Variants in MMRN1 observed in about 807,000 individuals in gnomAD.
MMRN1 encodes multimerin 1.
In MMRN1, 94 loss-of-function variants were observed where a neutral mutation model predicts 100.7. The observed-to-expected ratio is 0.93, with a 90% CI of 0.79 to 1.11. The LOEUF (loss-of-function observed/expected upper bound fraction) is 1.11, where lower values mean the gene tolerates loss of function less well. Ranked by LOEUF, MMRN1 falls within the 50% of genes least tolerant of loss-of-function variation. The pLI, the probability that MMRN1 is intolerant of heterozygous loss-of-function variation, is 0.00. For missense variants in MMRN1, 1,606 were observed against 1,439.1 expected, an observed-to-expected ratio of 1.12 and a Z score of -1.88; for synonymous variants, 575 against 505.0, an observed-to-expected ratio of 1.14 and a Z score of -1.86.
At chr4:89,909,242 C>T (rs1721663847) in intron 1 of MMRN1, 34 bp from the exon 2 acceptor site, 1 of 1,543,816 alleles carries the variant, frequency 6.5e-7, no homozygotes, top group African/African-American at 1.4e-5. Context: ...TTTTTGACAA[C>T]AGTTTTTTCC....
At chr4:89,915,346 T>C (rs1721878337) in intron 3 of MMRN1, among the ~76,000 whole-genome samples, 2 of 151,578 alleles carry the variant, frequency 1.3e-5, no homozygotes, top group African/African-American at 2.4e-5. Context: ...TGCACCAAAC[T>C]GCCTACTTCA....
chr4:89,949,189 T>G (rs3775482), intron 6 of MMRN1, among the ~76,000 whole-genome samples: 96,649 of 151,996 alleles, frequency 0.64, 30,970 homozygotes, highest in East Asian at 0.88. Flanking sequence ...TAAATCTAAT[T>G]TTTTCCACAG....
At chr4:89,880,452 A>G (rs1040984068) in intron 1 of MMRN1, among the ~76,000 whole-genome samples, 1 of 152,160 alleles carries the variant, frequency 6.6e-6, no homozygotes, top group Non-Finnish European at 1.5e-5. Flanking sequence ...GGAAATCAGT[A>G]TTAATCTGCC....
chr4:89,900,429 C>T (rs1250489938), intron 1 of MMRN1, among the ~76,000 whole-genome samples: 1 of 152,030 alleles, frequency 6.6e-6, no homozygotes, highest in East Asian at 1.9e-4. Context: ...TCCACTTGCA[C>T]CTCCAGCTTT....
intron 1 of MMRN1, among the ~76,000 whole-genome samples, chr4:89,888,634 T>G (rs1171953152): frequency 6.6e-6 from 1 of 152,090 alleles, no homozygotes; most frequent in African/African-American, 2.4e-5. Context: ...CGTTCACATA[T>G]TCATCTTTTT....
At chr4:89,901,887 A>C (rs1560581555) in intron 1 of MMRN1, 1 of 151,982 alleles carries the variant, frequency 6.6e-6, no homozygotes, top group East Asian at 1.9e-4. Flanking sequence ...GCTTTTCTGA[A>C]TATAAAACTA....
chr4:89,912,087 T>TA lies in MMRN1; in HGVS notation c.850+39dup, dbSNP rs1721772526. ...TATTAATAATCACAATTCTGAACAA[T>TA]AAGAAACTGATTCTATTGAAGAAAA... is the stretch of plus-strand genomic sequence containing the variant. On this transcript the variant is annotated intron_variant, in intron 3 of 7. Coordinates refer to ENST00000264790, the MANE Select transcript of MMRN1 (RefSeq NM_007351.3). 6 of 1,373,840 alleles carry TA rather than the reference T, an allele frequency of 4.4e-6. No individual in the cohort carries two copies. In the East Asian group the frequency reaches 1.4e-4, roughly 33 times the overall value. The allele number at this position is 1,373,840 out of a possible 1,614,324, so 85.1% of individuals were successfully genotyped here.
chr4:89,906,515 A>G (rs1389661648), intron 1 of MMRN1, among the ~76,000 whole-genome samples: 1 of 151,562 alleles, frequency 6.6e-6, no homozygotes, highest in South Asian at 2.1e-4. Context: ...TAAACACTTC[A>G]AAGTAACTGC....
chr4:89,935,980 C>G lies in MMRN1; in HGVS notation c.2300C>G (p.Ser767Cys). 2 of 1,612,820 alleles carry G rather than the reference C, an allele frequency of 1.2e-6. No individual in the cohort carries two copies. Among genetic ancestry groups the G allele is most frequent in the Non-Finnish European group, 1.7e-6 (2 of 1,179,262 alleles). ...DNSEIHHKCT[S>C]DMETILTFIP... ...AGTGAGATCCATCATAAATGTACCT[C>G]CGATATGGAAACTATTTTGACATTT... The change falls in exon 6 of 8, where the codon TCC becomes TGC. Residue 767 changes from serine (S) to cysteine (C), a missense_variant. By Grantham distance (112) the Ser-to-Cys change is moderately radical. Transcript: ENST00000264790.
chr4:89,938,511 A>G (rs1422450666), intron 6 of MMRN1, among the ~76,000 whole-genome samples: 1 of 78,454 alleles, frequency 1.3e-5, no homozygotes, highest in African/African-American at 5.9e-5. Context: ...ATATATATAT[A>G]TTTAAAATAT....
chr4:89,881,070 C>G (rs1720804640), intron 1 of MMRN1, among the ~76,000 whole-genome samples: 2 of 152,114 alleles, frequency 1.3e-5, no homozygotes, highest in Non-Finnish European at 2.9e-5. Context: ...TCCTTTAATG[C>G]AAATCTGCAG....
intron 1 of MMRN1, 99 bp from the exon 2 acceptor site, chr4:89,909,177 A>C (rs1469509938): frequency 2.2e-5 from 29 of 1,290,690 alleles, no homozygotes; most frequent in African/African-American, 3.0e-5. Flanking sequence ...TCTGATCTAT[A>C]GTATGGCAAA....
intron 6 of MMRN1, among the ~76,000 whole-genome samples, chr4:89,942,052 A>G (rs548368708): frequency 1.3e-5 from 2 of 152,254 alleles, no homozygotes; most frequent in South Asian, 2.1e-4. Flanking sequence ...TCTAAGGTGC[A>G]TAGTCAGAAA....
upstream of MMRN1, among the ~76,000 whole-genome samples, chr4:89,893,311 A>G (rs1045376400): frequency 1.3e-4 from 20 of 151,958 alleles, no homozygotes; most frequent in African/African-American, 4.6e-4. Context: ...TTAAATAAAT[A>G]CTCTCTAGTA....
intron 1 of MMRN1, among the ~76,000 whole-genome samples, chr4:89,902,684 T>G (rs1244878763): frequency 6.6e-6 from 1 of 151,972 alleles, no homozygotes; most frequent in Non-Finnish European, 1.5e-5. Context: ...AGAAAGCAAA[T>G]AAAATTATGC....
rs77520048 is a variant in MMRN1 at position 89,922,592 on chromosome 4, A to C, written c.851-576A>C. Among the ~76,000 whole-genome samples the C allele has an allele frequency of 9.8e-3, 1,487 of 152,240 alleles. 27 individuals are homozygous for C. The highest frequency in any genetic ancestry group is 0.033 in the African/African-American group (1,367 of 41,540). ...AAGAATTTCTATTGAAATTTCACTG[A>C]CTTTACCAGTTGATTTGCTTGAAAT... On this transcript the variant is annotated intron_variant, in intron 3 of 7. Coordinates refer to ENST00000264790, the MANE Select transcript of MMRN1 (RefSeq NM_007351.3).
Position 89,954,203 on chromosome 4 carries a change from C to T in MMRN1, c.*785C>T, listed in dbSNP as rs779741612. On this transcript the variant is annotated 3_prime_UTR_variant, in exon 8 of 8. Coordinates refer to ENST00000264790, the MANE Select transcript of MMRN1 (RefSeq NM_007351.3). The stretch of plus-strand genomic sequence containing the variant: ...AGGGTAAGTCATAATCTGTGTAATA[C>T]TACAATTTATGGGATGCTCACTATG... The T allele has an allele frequency of 5.3e-5, 8 of 152,144 alleles. No homozygotes were observed. Among genetic ancestry groups the T allele is most frequent in the Non-Finnish European group, 1.2e-4 (8 of 68,038 alleles). The allele number at this position is 152,144 out of a possible 1,614,324, so 9.4% of individuals were successfully genotyped here.
intron 1 of MMRN1, among the ~76,000 whole-genome samples, chr4:89,904,530 T>C (rs1721498074): frequency 6.6e-6 from 1 of 151,848 alleles, no homozygotes; most frequent in African/African-American, 2.4e-5. Context: ...TAAGTGAAAC[T>C]GTACAATATT....
intron 6 of MMRN1, 101 bp from the exon 7 acceptor site, chr4:89,951,502 TAA>T: frequency 7.9e-7 from 1 of 1,259,828 alleles, no homozygotes; most frequent in Non-Finnish European, 1.0e-6. Flanking sequence ...TTTTCTTACT[TAA>T]AATTCAGTCT....
Sources: gnomAD v4.1 joint callset for allele counts (sites outside exome capture counted in the v4.1 genomes callset) on GRCh38, gnomAD v4.1.1 for gene constraint, MANE v1.5 for transcripts, NCBI Gene and HGNC (gene_info 2026-07-23, HGNC 2026-07-21) for gene names.